Variants in NTRK2 observed in about 807,000 individuals in gnomAD.
NTRK2 encodes the protein BDNF/NT-3 growth factors receptor.
In NTRK2, 13 loss-of-function variants were observed where a neutral mutation model predicts 94.5. That is an observed-to-expected ratio of 0.14 (90% CI 0.09 to 0.22). NTRK2 has a LOEUF of 0.22. Among genes scored for constraint, NTRK2 ranks in the 10% least tolerant of loss-of-function variants. The pLI is 1.00. For synonymous variants in NTRK2, 372 were observed against 407.4 expected (o/e 0.91, Z 1.05); for missense variants, 639 against 1,071.2 (o/e 0.60, Z 5.63).
chr9:84,916,661 G>T (rs1472456424), intron 14 of NTRK2, among the ~76,000 whole-genome samples: 1 of 152,170 alleles, frequency 6.6e-6, no homozygotes, highest in Non-Finnish European at 1.5e-5. Context: ...TCCTTAATGA[G>T]AATTGGTTCA....
At chr9:84,810,612 G>C (rs201000005) in intron 12 of NTRK2, 14 of 1,613,808 alleles carry the variant, frequency 8.7e-6, no homozygotes, top group Non-Finnish European at 1.2e-5. Context: ...GAAAGGGGCT[G>C]TGGTGCTTGT....
Position 85,022,563 on chromosome 9 carries a change from A to G in NTRK2, c.*1126A>G. 4.3e-6 allele frequency: 1 copy of G among 233,140 alleles called. No homozygotes were observed. Among genetic ancestry groups the G allele is most frequent in the East Asian group, 6.0e-5 (1 of 16,598 alleles). 14.4% of individuals were successfully genotyped at this position (233,140 alleles called of 1,614,324 possible). ...GTTTCTTTTACAATGAACTTTTCAG[A>G]TCTCACTTCCCTCCGACCCCTAACT... On this transcript the variant is annotated 3_prime_UTR_variant, in exon 19 of 19. Coordinates refer to ENST00000277120, the MANE Select transcript of NTRK2 (RefSeq NM_006180.6).
chr9:84,722,365 A>G (rs1253525243), intron 6 of NTRK2, among the ~76,000 whole-genome samples: 1 of 152,046 alleles, frequency 6.6e-6, no homozygotes, highest in Non-Finnish European at 1.5e-5. Context: ...TTCACTAATA[A>G]AGAAAGATGG....
chr9:84,981,770 T>C (rs1027186785), intron 17 of NTRK2, among the ~76,000 whole-genome samples: 1 of 152,222 alleles, frequency 6.6e-6, no homozygotes. Context: ...AGAAATTGTT[T>C]CAAAATGTTT....
chr9:84,963,708 T>C (rs909109526), intron 17 of NTRK2, among the ~76,000 whole-genome samples: 9 of 152,224 alleles, frequency 5.9e-5, no homozygotes, highest in Non-Finnish European at 1.3e-4. Flanking sequence ...ACCAACCCCC[T>C]ATGGACTCCA....
intron 17 of NTRK2, among the ~76,000 whole-genome samples, chr9:84,999,597 T>C (rs1183674884): frequency 2.6e-5 from 4 of 152,252 alleles, no homozygotes; most frequent in South Asian, 2.1e-4. Context: ...AGAAAAAGTC[T>C]GAGTTTTTAA....
intron 2 of NTRK2, among the ~76,000 whole-genome samples, chr9:84,700,410 A>G (rs902712356): frequency 3.3e-5 from 5 of 152,140 alleles, no homozygotes; most frequent in African/African-American, 1.2e-4. Context: ...GGGAGGAGAG[A>G]AGGGAACGAA....
intron 12 of NTRK2, among the ~76,000 whole-genome samples, chr9:84,848,649 A>G (rs568019671): frequency 6.6e-6 from 1 of 152,362 alleles, no homozygotes; most frequent in Admixed American, 6.5e-5. Context: ...CTGAGACTAT[A>G]GAATCAGACC....
At chr9:84,938,461 C>T (rs565567748) in intron 15 of NTRK2, among the ~76,000 whole-genome samples, 1 of 152,290 alleles carries the variant, frequency 6.6e-6, no homozygotes, top group African/African-American at 2.4e-5. Flanking sequence ...TTGTTTGCTC[C>T]TCCATCTAGG....
At chr9:84,783,585 G>A (rs1385715864) in intron 12 of NTRK2, among the ~76,000 whole-genome samples, 1 of 152,168 alleles carries the variant, frequency 6.6e-6, no homozygotes, top group East Asian at 1.9e-4. Flanking sequence ...TTTGAAAGGT[G>A]CCTAGAAAAT....
chr9:84,969,083 C>T (rs1799830163), intron 17 of NTRK2, among the ~76,000 whole-genome samples: 1 of 152,212 alleles, frequency 6.6e-6, no homozygotes, highest in Non-Finnish European at 1.5e-5. Flanking sequence ...TTGGTCCACC[C>T]TCCCAGGCTA....
chr9:84,849,677 T>C (rs1363966913), intron 12 of NTRK2, among the ~76,000 whole-genome samples: 1 of 152,132 alleles, frequency 6.6e-6, no homozygotes, highest in East Asian at 1.9e-4. Flanking sequence ...TACAAGTAAG[T>C]AGATAGCTAA....
intron 12 of NTRK2, among the ~76,000 whole-genome samples, chr9:84,804,816 C>T (rs1012387305): frequency 2.6e-5 from 4 of 152,216 alleles, no homozygotes; most frequent in East Asian, 1.9e-4. Context: ...CTACAGATAT[C>T]GACCCTATAG....
At chr9:84,673,214 T>C (rs2058811031) in intron 2 of NTRK2, among the ~76,000 whole-genome samples, 1 of 152,208 alleles carries the variant, frequency 6.6e-6, no homozygotes, top group Admixed American at 6.5e-5. Context: ...GTACTCCATA[T>C]AATTATTTTG....
At chr9:84,925,296 A>G (rs546522007) in intron 14 of NTRK2, among the ~76,000 whole-genome samples, 1 of 147,834 alleles carries the variant, frequency 6.8e-6, no homozygotes, top group African/African-American at 2.5e-5. Flanking sequence ...CCTAACCCCC[A>G]TGTGCTGGAG....
intron 12 of NTRK2, among the ~76,000 whole-genome samples, chr9:84,837,538 T>C (rs998033104): frequency 2.0e-5 from 3 of 152,232 alleles, no homozygotes; most frequent in Non-Finnish European, 4.4e-5. Flanking sequence ...CCTCAATGAA[T>C]GTTAGCTTAA....
At chr9:84,797,841 TATTA>T (rs1305867247) in intron 12 of NTRK2, among the ~76,000 whole-genome samples, 1 of 96,496 alleles carries the variant, frequency 1.0e-5, no homozygotes, top group African/African-American at 4.1e-5. Context: ...ATAATATATA[TATTA>T]TATATTATAT....
At chr9:84,951,392 A>G (rs1002261) in intron 16 of NTRK2, among the ~76,000 whole-genome samples, 18,854 of 152,214 alleles carry the variant, frequency 0.12, 1,548 homozygotes, top group African/African-American at 0.23. Context: ...GCTGCTTCTA[A>G]GAGAAATATT....
chr9:84,811,786 C>T (rs200358141), intron 12 of NTRK2: 27 of 1,065,190 alleles, frequency 2.5e-5, no homozygotes, highest in Non-Finnish European at 2.7e-5. Flanking sequence ...ATTTCTGCAT[C>T]CCCCCTGAGT....
Sources: gnomAD v4.1 joint callset for allele counts (sites outside exome capture counted in the v4.1 genomes callset) on GRCh38, gnomAD v4.1.1 for gene constraint, MANE v1.5 for transcripts, NCBI Gene and HGNC (gene_info 2026-07-23, HGNC 2026-07-21) for gene names.